DCDC2: variants seen among roughly 807,000 people sequenced by gnomAD.
DCDC2 encodes doublecortin domain containing 2.
Under a neutral mutation model 50.2 loss-of-function variants are expected in DCDC2, and 40 were observed. The ratio of observed to expected loss-of-function variants is 0.80; its 90% confidence interval spans 0.62 to 1.04. DCDC2 has a LOEUF of 1.04. Ranked by LOEUF, DCDC2 falls within the 50% of genes least tolerant of loss-of-function variation. The pLI, the probability that DCDC2 is intolerant of heterozygous loss-of-function variation, is 0.00. For synonymous variants in DCDC2, 234 were observed against 210.6 expected, an observed-to-expected ratio of 1.11 and a Z score of -0.96; for missense variants, 570 against 581.9, an observed-to-expected ratio of 0.98 and a Z score of 0.21.
chr6:24,291,210 A>T lies in DCDC2; in HGVS notation c.558-132T>A. On this transcript the variant is annotated intron_variant, in intron 4 of 9. Coordinates refer to ENST00000378454, the MANE Select transcript of DCDC2 (RefSeq NM_016356.5). The stretch of plus-strand genomic sequence containing the variant: ...AATAAAAACATTCTGTACTTAATTT[A>T]GCTCATTTGTTACTATCCTCATTAT... The T allele has an allele frequency of 3.3e-6, 3 of 903,110 alleles. No individual in the cohort carries two copies. The South Asian group carries it at 5.0e-5, about 15-fold the overall frequency. The allele number at this position is 903,110 out of a possible 1,614,324, so 55.9% of individuals were successfully genotyped here.
chr6:24,374,577 C>CAAAAA, the DCDC2 span, among the ~76,000 whole-genome samples: 5,409 of 55,250 alleles, frequency 0.098, 513 homozygotes, highest in Middle Eastern at 0.26. Context: ...AGACTCCATC[C>CAAAAA]AAAAAAAAAA....
intron 6 of DCDC2, among the ~76,000 whole-genome samples, chr6:24,280,208 T>C (rs1763441731): frequency 6.6e-6 from 1 of 152,218 alleles, no homozygotes; most frequent in Non-Finnish European, 1.5e-5. Context: ...ATTTATGCTA[T>C]TTTGTCATAG....
intron 8 of DCDC2, among the ~76,000 whole-genome samples, chr6:24,198,795 C>T (rs1380700422): frequency 6.6e-6 from 1 of 152,138 alleles, no homozygotes; most frequent in African/African-American, 2.4e-5. Flanking sequence ...AGTCTGAAGT[C>T]GACCTGGGAC....
chr6:24,182,237 T>C (rs897464300), intron 8 of DCDC2, among the ~76,000 whole-genome samples: 4 of 152,178 alleles, frequency 2.6e-5, no homozygotes, highest in African/African-American at 9.7e-5. Flanking sequence ...CAAAAGCTTT[T>C]TGGCATTGGA....
intron 2 of DCDC2, among the ~76,000 whole-genome samples, chr6:24,321,157 G>A (rs76922093): frequency 0.086 from 12,957 of 151,512 alleles, 756 homozygotes; most frequent in East Asian, 0.34. Context: ...ATAAATGAGG[G>A]CAATTCTTCC....
intron 2 of DCDC2, 98 bp from the exon 3 acceptor site, chr6:24,302,142 A>G: frequency 3.9e-6 from 4 of 1,017,932 alleles, no homozygotes; most frequent in Non-Finnish European, 5.7e-6. Context: ...ACTGCCTGAG[A>G]CTTCCTGTGC....
chr6:24,342,602 T>C (rs184776218), intron 2 of DCDC2, among the ~76,000 whole-genome samples: 175 of 152,116 alleles, frequency 1.2e-3, no homozygotes, highest in Non-Finnish European at 2.2e-3. Context: ...ACAACCGAAA[T>C]GTGCAAGTCA....
chr6:24,271,238 G>GAGAA (rs1763233908), intron 7 of DCDC2, among the ~76,000 whole-genome samples: 1 of 130,524 alleles, frequency 7.7e-6, no homozygotes, highest in Non-Finnish European at 1.7e-5. Flanking sequence ...GAGAGAGAGA[G>GAGAA]AGAAAGAAAG....
At chr6:24,220,862 CAGAGAGCA>C (rs1449001117) in intron 7 of DCDC2, among the ~76,000 whole-genome samples, 30 of 5,286 alleles carry the variant, frequency 5.7e-3, no homozygotes, top group African/African-American at 6.3e-3. Flanking sequence ...AGGAGAGAGA[CAGAGAGCA>C]AGAGAGCGAG....
At chr6:24,287,726 A>C (rs1738789227) in intron 6 of DCDC2, among the ~76,000 whole-genome samples, 1 of 152,158 alleles carries the variant, frequency 6.6e-6, no homozygotes. Context: ...AACAGTTTCA[A>C]AGGCAGAGCT....
chr6:24,228,771 G>T (rs1179547095), intron 7 of DCDC2, among the ~76,000 whole-genome samples: 1 of 152,080 alleles, frequency 6.6e-6, no homozygotes, highest in Non-Finnish European at 1.5e-5. Context: ...TCACATCTTG[G>T]GTCTTGCCAT....
At chr6:24,295,063 A>C (rs1431226023) in intron 4 of DCDC2, among the ~76,000 whole-genome samples, 1 of 152,162 alleles carries the variant, frequency 6.6e-6, no homozygotes, top group Non-Finnish European at 1.5e-5. Flanking sequence ...CATCAATACA[A>C]AAGTCCTCAA....
At chr6:24,282,254 TG>T (rs1054853225) in intron 6 of DCDC2, among the ~76,000 whole-genome samples, 1 of 134,976 alleles carries the variant, frequency 7.4e-6, no homozygotes, top group Non-Finnish European at 1.6e-5. Context: ...TTTTTTGTTT[TG>T]TTTTTTTTTG....
intron 7 of DCDC2, among the ~76,000 whole-genome samples, chr6:24,218,046 A>G (rs1458198298): frequency 6.6e-6 from 1 of 151,306 alleles, no homozygotes; most frequent in Non-Finnish European, 1.5e-5. Flanking sequence ...AAGCAATTCT[A>G]TTGGACTCCA....
intron 8 of DCDC2, among the ~76,000 whole-genome samples, chr6:24,188,762 C>T (rs529798418): frequency 1.2e-4 from 18 of 151,772 alleles, no homozygotes; most frequent in South Asian, 4.2e-4. Flanking sequence ...TCTTCTGTTT[C>T]GCCGGAGGCA....
At chr6:24,287,931 A>G (rs1160389101) in intron 6 of DCDC2, among the ~76,000 whole-genome samples, 3 of 152,180 alleles carry the variant, frequency 2.0e-5, no homozygotes, top group African/African-American at 4.8e-5. Flanking sequence ...TATTTTTGTC[A>G]TAATAGTATA....
chr6:24,310,590 T>C (rs970613542), intron 2 of DCDC2, among the ~76,000 whole-genome samples: 23 of 152,314 alleles, frequency 1.5e-4, no homozygotes, highest in African/African-American at 5.5e-4. Context: ...TGCCATGTTG[T>C]TTATGACCAA....
At chr6:24,251,762 T>C (rs904042029) in intron 7 of DCDC2, among the ~76,000 whole-genome samples, 2 of 152,264 alleles carry the variant, frequency 1.3e-5, no homozygotes, top group Non-Finnish European at 2.9e-5. Flanking sequence ...CTCCTGATTC[T>C]GTATGCATCT....
intron 7 of DCDC2, among the ~76,000 whole-genome samples, chr6:24,271,713 G>A (rs541216744): frequency 6.6e-6 from 1 of 152,232 alleles, no homozygotes; most frequent in Non-Finnish European, 1.5e-5. Context: ...AAACACCATT[G>A]TACACAGTGG....
Sources: gnomAD v4.1 joint callset for allele counts (sites outside exome capture counted in the v4.1 genomes callset) on GRCh38, gnomAD v4.1.1 for gene constraint, MANE v1.5 for transcripts, NCBI Gene and HGNC (gene_info 2026-07-23, HGNC 2026-07-21) for gene names.